The following GXYLT2 variants were observed in gnomAD, a reference collection of about 807,000 sequenced individuals.
GXYLT2 encodes the protein glycosyltransferase 8 domain containing 4.
Under a neutral mutation model 45.8 loss-of-function variants are expected in GXYLT2, and 53 were observed. The observed-to-expected ratio is 1.16, with a 90% CI of 0.93 to 1.46. GXYLT2 has a LOEUF of 1.46. Among genes scored for constraint, GXYLT2 ranks in the 40% most tolerant of loss-of-function variants. The probability of loss-of-function intolerance (pLI) is 0.00; values close to 1 mark genes in which losing one functional copy is unlikely to be tolerated. For missense variants in GXYLT2, 551 were observed against 544.4 expected, an observed-to-expected ratio of 1.01 and a Z score of -0.12; for synonymous variants, 219 against 214.2, an observed-to-expected ratio of 1.02 and a Z score of -0.19.
intron 1 of GXYLT2, among the ~76,000 whole-genome samples, chr3:72,896,512 A>G (rs1709293989): frequency 6.6e-6 from 1 of 152,096 alleles, no homozygotes; most frequent in African/African-American, 2.4e-5. Context: ...TCTATATATA[A>G]TAAAGGATAC....
chr3:72,926,545 G>T (rs906078751), intron 3 of GXYLT2, among the ~76,000 whole-genome samples: 1 of 152,162 alleles, frequency 6.6e-6, no homozygotes, highest in African/African-American at 2.4e-5. Flanking sequence ...TATTTTCTTA[G>T]TACAGGCCAG....
chr3:72,906,461 A>G (rs926272949), intron 1 of GXYLT2, among the ~76,000 whole-genome samples: 1 of 152,058 alleles, frequency 6.6e-6, no homozygotes, highest in Non-Finnish European at 1.5e-5. Context: ...CTGCTTCACT[A>G]TGTATTACCT....
chr3:72,909,053 T>C (rs1298936065), intron 2 of GXYLT2, among the ~76,000 whole-genome samples: 4 of 145,042 alleles, frequency 2.8e-5, no homozygotes, highest in East Asian at 2.0e-4. Context: ...TTTCTTTCTT[T>C]CTTCCTTTCT....
rs983363526 is a variant in GXYLT2 at position 72,975,754 on chromosome 3, G to C, written c.*595G>C. 4 of 152,076 alleles carry C rather than the reference G, an allele frequency of 2.6e-5. No individual in the cohort carries two copies. Among genetic ancestry groups the C allele is most frequent in the African/African-American group, 9.7e-5 (4 of 41,392 alleles). The allele number at this position is 152,076 out of a possible 1,614,324, so 9.4% of individuals were successfully genotyped here. ...CACACATCTAAAACAGGTAATCTCA[G>C]TAAAAGCTGGCCTTTTTGCTGAGAT... On this transcript the variant is annotated 3_prime_UTR_variant, in exon 7 of 7. Coordinates refer to ENST00000389617, the MANE Select transcript of GXYLT2 (RefSeq NM_001080393.2).
At chr3:72,915,228 G>A (rs897555148) in intron 2 of GXYLT2, among the ~76,000 whole-genome samples, 15 of 151,520 alleles carry the variant, frequency 9.9e-5, no homozygotes, top group African/African-American at 3.6e-4. Context: ...ACATGGTGAG[G>A]AGTTGTTTTT....
rs9820244 is a variant in GXYLT2, at chr3:72,907,043, C to G, written c.276-1324C>G. Among the ~76,000 whole-genome samples the G allele has an allele frequency of 5.5e-3, 838 of 152,218 alleles. 8 individuals carry two copies. Among genetic ancestry groups the G allele is most frequent in the African/African-American group, 0.02 (818 of 41,528 alleles). On this transcript the variant is annotated intron_variant, in intron 1 of 6. Coordinates refer to ENST00000389617, the MANE Select transcript of GXYLT2 (RefSeq NM_001080393.2). ...ATAAGATTGGAGACAGGTGGACCAC[C>G]CAGAGGGCTGTCTCAGTGATCCAAG...
At chr3:72,950,993 C>T (rs1010577913) in intron 3 of GXYLT2, among the ~76,000 whole-genome samples, 3 of 152,108 alleles carry the variant, frequency 2.0e-5, no homozygotes, top group African/African-American at 7.2e-5. Flanking sequence ...TAACCCCGCC[C>T]CTCACTCTAA....
intron 3 of GXYLT2, among the ~76,000 whole-genome samples, chr3:72,925,156 C>CTTTTTTT (rs368190344): frequency 1.4e-4 from 21 of 148,556 alleles, no homozygotes; most frequent in African/African-American, 5.2e-4. Context: ...TTTTCTTTTT[C>CTTTTTTT]TTTCTTTTTT....
At position 72,957,284 on chromosome 3, in the gene GXYLT2, A is replaced by T; in HGVS notation, c.908A>T (p.Gln303Leu). 6.2e-7 allele frequency: 1 copy of T among 1,611,930 alleles called. No homozygotes were observed. The highest frequency in any genetic ancestry group is 8.5e-7 in the Non-Finnish European group (1 of 1,178,126). The change falls in exon 5 of 7, where the codon CAG becomes CTG. Residue 303 changes from glutamine (Q) to leucine (L), a missense_variant. Coordinates refer to ENST00000389617, the MANE Select transcript of GXYLT2 (RefSeq NM_001080393.2). Reference sequence around the variant, plus strand: ...GAGGACATGTTGTACCCTCTGTACCAGAAGTACAAGAATGCCATCACGTGG... The same window carrying T: ...GAGGACATGTTGTACCCTCTGTACCTGAAGTACAAGAATGCCATCACGTGG... ...AWEDMLYPLY[Q>L]KYKNAITWGD...
At chr3:72,933,345 A>G (rs1710080217) in intron 3 of GXYLT2, among the ~76,000 whole-genome samples, 1 of 152,210 alleles carries the variant, frequency 6.6e-6, no homozygotes, top group Admixed American at 6.5e-5. Context: ...AATTAGCATC[A>G]TAGTATTAGA....
intron 2 of GXYLT2, among the ~76,000 whole-genome samples, chr3:72,918,600 G>A (rs531633921): frequency 1.2e-4 from 18 of 152,088 alleles, no homozygotes; most frequent in Non-Finnish European, 1.6e-4. Flanking sequence ...TGAGGCGGGC[G>A]GATTGCCTGA....
At chr3:72,896,170 T>C (rs1197155956) in intron 1 of GXYLT2, among the ~76,000 whole-genome samples, 2 of 152,210 alleles carry the variant, frequency 1.3e-5, no homozygotes, top group Non-Finnish European at 2.9e-5. Flanking sequence ...CCTCAGCAAA[T>C]TGTGGCTTTC....
intron 1 of GXYLT2, among the ~76,000 whole-genome samples, chr3:72,893,347 G>A (rs1249067543): frequency 2.6e-5 from 4 of 152,178 alleles, no homozygotes; most frequent in Non-Finnish European, 5.9e-5. Flanking sequence ...GTGCTGGAAT[G>A]TTTGTGCACA....
At chr3:72,957,194 T>C in intron 4 of GXYLT2, 35 bp from the exon 5 acceptor site, 1 of 1,582,502 alleles carries the variant, frequency 6.3e-7, no homozygotes, top group Non-Finnish European at 8.6e-7. Flanking sequence ...GTATTTGCTT[T>C]GCTTCAGCTG....
At chr3:72,930,396 G>A (rs528578829) in intron 3 of GXYLT2, among the ~76,000 whole-genome samples, 3 of 151,434 alleles carry the variant, frequency 2.0e-5, no homozygotes, top group African/African-American at 7.3e-5. Flanking sequence ...CAGCTACTCA[G>A]GAGACTGAGG....
rs1711096492 is a variant in GXYLT2, at chr3:72,976,075, G to C, written c.*916G>C. 1 of 151,804 alleles carries C rather than the reference G, an allele frequency of 6.6e-6. No homozygotes were observed. Among genetic ancestry groups the C allele is most frequent in the African/African-American group, 2.4e-5 (1 of 41,292 alleles). The allele number at this position is 151,804 out of a possible 1,614,324, so 9.4% of individuals were successfully genotyped here. Reference sequence around the variant, plus strand: ...GCCTCCCCAGTAGCTGGGATTACAAGTGTGTGCCACCACACCCGGCTAATT... The same window carrying C: ...GCCTCCCCAGTAGCTGGGATTACAACTGTGTGCCACCACACCCGGCTAATT... On this transcript the variant is annotated 3_prime_UTR_variant, in exon 7 of 7. Coordinates refer to ENST00000389617, the MANE Select transcript of GXYLT2 (RefSeq NM_001080393.2).
chr3:72,952,307 G>A (rs1453800721), intron 3 of GXYLT2, among the ~76,000 whole-genome samples: 1 of 152,070 alleles, frequency 6.6e-6, no homozygotes, highest in Admixed American at 6.6e-5. Context: ...TAAAATGGAT[G>A]TTAAGATAAT....
At chr3:72,931,865 A>G (rs946845836) in intron 3 of GXYLT2, among the ~76,000 whole-genome samples, 1 of 152,168 alleles carries the variant, frequency 6.6e-6, no homozygotes, top group African/African-American at 2.4e-5. Context: ...GAAAAGATCA[A>G]CAAAATTGAC....
chr3:72,920,799 C>CATATATATAT (rs377277874), intron 2 of GXYLT2, among the ~76,000 whole-genome samples: 41 of 144,418 alleles, frequency 2.8e-4, no homozygotes, highest in African/African-American at 1.0e-3. Context: ...AATGTACATG[C>CATATATATAT]ATATATATAT....
Sources: allele counts gnomAD v4.1 joint callset (sites outside exome capture counted in the v4.1 genomes callset), GRCh38; gene constraint gnomAD v4.1.1; transcripts MANE v1.5; gene names NCBI Gene and HGNC (gene_info 2026-07-23, HGNC 2026-07-21).